The following NTRK2 variants were observed in gnomAD, a reference collection of about 807,000 sequenced individuals.
The protein encoded by NTRK2 is BDNF/NT-3 growth factors receptor.
In NTRK2, 13 loss-of-function variants were observed where a neutral mutation model predicts 94.5. The ratio of observed to expected loss-of-function variants is 0.14; its 90% CI spans 0.09 to 0.22. The LOEUF (loss-of-function observed/expected upper bound fraction) is 0.22, where lower values mean the gene tolerates loss of function less well. NTRK2 is among the 10% of genes least tolerant of loss of function. NTRK2 has a pLI of 1.00. For synonymous variants in NTRK2, 372 were observed against 407.4 expected, an observed-to-expected ratio of 0.91 and a Z score of 1.05; for missense variants, 639 against 1,071.2, an observed-to-expected ratio of 0.60 and a Z score of 5.63.
intron 14 of NTRK2, chr9:84,873,981 T>G: frequency 1.9e-6 from 2 of 1,063,336 alleles, no homozygotes; most frequent in Non-Finnish European, 2.3e-6. Flanking sequence ...CCTGCACATA[T>G]CAGACATTTC....
intron 17 of NTRK2, among the ~76,000 whole-genome samples, chr9:85,007,133 G>A (rs1054019501): frequency 6.6e-6 from 1 of 152,238 alleles, no homozygotes; most frequent in African/African-American, 2.4e-5. Flanking sequence ...TCAGCTTACA[G>A]CTGACTGGGG....
chr9:84,833,431 GAAAA>G (rs1179059686), intron 12 of NTRK2, among the ~76,000 whole-genome samples: 1 of 141,914 alleles, frequency 7.0e-6, no homozygotes, highest in Non-Finnish European at 1.5e-5. Flanking sequence ...ATTTGCATGA[GAAAA>G]AGAAAGGAAA....
At chr9:84,835,456 T>C (rs921845390) in intron 12 of NTRK2, among the ~76,000 whole-genome samples, 2 of 152,094 alleles carry the variant, frequency 1.3e-5, no homozygotes, top group Non-Finnish European at 2.9e-5. Context: ...AAAAAGGATG[T>C]GTCTATCAAG....
chr9:84,842,125 G>A (rs1223278009), intron 12 of NTRK2, among the ~76,000 whole-genome samples: 4 of 152,166 alleles, frequency 2.6e-5, no homozygotes, highest in African/African-American at 7.2e-5. Flanking sequence ...TTCATGTCCA[G>A]CCAGTCTTGC....
intron 12 of NTRK2, among the ~76,000 whole-genome samples, chr9:84,798,456 C>T (rs1176677130): frequency 6.6e-6 from 1 of 152,214 alleles, no homozygotes; most frequent in Non-Finnish European, 1.5e-5. Flanking sequence ...TATTGTATTT[C>T]ATTCTAGCAC....
chr9:84,973,617 G>A (rs1176336505), intron 17 of NTRK2, among the ~76,000 whole-genome samples: 6 of 152,162 alleles, frequency 3.9e-5, no homozygotes, highest in Admixed American at 3.9e-4. Context: ...TAAATCCAAA[G>A]TGTGCTAAAT....
chr9:84,903,754 C>G (rs2076998683), intron 14 of NTRK2, among the ~76,000 whole-genome samples: 1 of 151,774 alleles, frequency 6.6e-6, no homozygotes, highest in Non-Finnish European at 1.5e-5. Flanking sequence ...TTCTCTCTCT[C>G]TCTCTCAGAT....
chr9:84,721,265 T>G (rs1398502132), intron 6 of NTRK2, among the ~76,000 whole-genome samples: 2 of 151,424 alleles, frequency 1.3e-5, no homozygotes, highest in Non-Finnish European at 2.9e-5. Context: ...AAGCTCCGCC[T>G]CCCGGGTTCA....
rs74897224 is a variant in NTRK2 at position 85,013,885 on chromosome 9, A to G, written c.2173-6321A>G. Among the ~76,000 whole-genome samples, 780 of 152,302 alleles carry G rather than the reference A, an allele frequency of 5.1e-3. 10 individuals are homozygous for G. The highest frequency in any genetic ancestry group is 0.018 in the African/African-American group (751 of 41,564). On this transcript the variant is annotated intron_variant, in intron 17 of 18. Transcript: ENST00000277120. ...CACTCACTCACTGAGTAAATACCAC[A>G]AGCTGAAAGTGGCCTCCCAGGCATC... is the stretch of plus-strand genomic sequence containing the variant.
chr9:84,712,443 G>A (rs1484408494), intron 6 of NTRK2, among the ~76,000 whole-genome samples: 1 of 152,082 alleles, frequency 6.6e-6, no homozygotes, highest in East Asian at 1.9e-4. Flanking sequence ...TAAGAGTGAG[G>A]TTTTGAATCT....
At chr9:84,695,936 T>C (rs1299288700) in intron 2 of NTRK2, among the ~76,000 whole-genome samples, 2 of 152,218 alleles carry the variant, frequency 1.3e-5, no homozygotes, top group African/African-American at 2.4e-5. Flanking sequence ...TGAAGAATCA[T>C]GGAGGCCATT....
intron 9 of NTRK2, among the ~76,000 whole-genome samples, chr9:84,733,174 A>G (rs962578847): frequency 1.1e-4 from 17 of 152,268 alleles, no homozygotes; most frequent in African/African-American, 4.1e-4. Context: ...GTTCCATGGA[A>G]GCCCCTTGGT....
rs2078673822 is a variant in NTRK2, at chr9:84,948,562, T to C, written c.1865T>C (p.Val622Ala). The C allele has an allele frequency of 6.2e-7, 1 of 1,614,006 alleles. No homozygotes were observed. The highest frequency in any genetic ancestry group is 8.5e-7 in the Non-Finnish European group (1 of 1,180,018). ...QHEHIVKFYG[V>A]CVEGDPLIMV... ...GAGCACATCGTCAAGTTCTATGGCG[T>C]CTGCGTGGAGGGCGACCCCCTCATC... The change falls in exon 16 of 19, where the codon GTC (valine) becomes GCC (alanine). Residue 622 changes from valine to alanine, a missense_variant. Coordinates refer to ENST00000277120, the MANE Select transcript of NTRK2 (RefSeq NM_006180.6).
chr9:84,742,962 G>T (rs994411891), intron 10 of NTRK2, among the ~76,000 whole-genome samples: 1 of 144,398 alleles, frequency 6.9e-6, no homozygotes, highest in African/African-American at 2.5e-5. Flanking sequence ...CACCACACTC[G>T]GCTAATTCTT....
intron 12 of NTRK2, among the ~76,000 whole-genome samples, chr9:84,755,525 CTT>C (rs745611460): frequency 0.014 from 848 of 60,540 alleles, 2 homozygotes; most frequent in African/African-American, 0.05. Context: ...AGTCCCACCT[CTT>C]TTTTTTTTTT....
At chr9:84,919,929 A>G (rs145865229) in intron 14 of NTRK2, among the ~76,000 whole-genome samples, 2 of 152,328 alleles carry the variant, frequency 1.3e-5, no homozygotes, top group African/African-American at 2.4e-5. Context: ...CAAATACAGT[A>G]AGTGAATTTC....
At chr9:84,718,053 T>C (rs202165782) in intron 6 of NTRK2, among the ~76,000 whole-genome samples, 2 of 64,124 alleles carry the variant, frequency 3.1e-5, no homozygotes, top group African/African-American at 1.6e-4. Context: ...CCTCCTCTTC[T>C]TCCTCCTCTT....
At chr9:84,810,706 T>C (rs542745244) in intron 12 of NTRK2, 3 of 1,575,086 alleles carry the variant, frequency 1.9e-6, no homozygotes, top group South Asian at 2.3e-5. Context: ...GGTTTTCTGG[T>C]AGATGTGGGC....
chr9:84,976,676 G>T (rs1475017696), intron 17 of NTRK2, among the ~76,000 whole-genome samples: 1 of 152,264 alleles, frequency 6.6e-6, no homozygotes, highest in East Asian at 1.9e-4. Flanking sequence ...ATGAAGGGCA[G>T]GTGCTGGCCA....
Sources: allele counts gnomAD v4.1 joint callset (sites outside exome capture counted in the v4.1 genomes callset), GRCh38; gene constraint gnomAD v4.1.1; transcripts MANE v1.5; gene names NCBI Gene and HGNC (gene_info 2026-07-23, HGNC 2026-07-21).